Variants in IL17RD observed in about 807,000 individuals in gnomAD.
IL17RD encodes interleukin 17 receptor D.
In IL17RD, 52 loss-of-function variants were observed where a neutral mutation model predicts 80.5. The ratio of observed to expected loss-of-function variants is 0.65; its 90% CI spans 0.52 to 0.81. The LOEUF (loss-of-function observed/expected upper bound fraction) is 0.81. Ranked by LOEUF, IL17RD falls within the 40% of genes least tolerant of loss-of-function variation. The pLI is 0.00. For missense variants in IL17RD, 1,024 were observed against 955.1 expected (o/e 1.07, Z -0.95); for synonymous variants, 416 against 391.8 (o/e 1.06, Z -0.73).
At position 57,090,774 on chromosome 3, in the gene IL17RD, T is replaced by C. The variant is rs997291637; in HGVS notation, c.*5619A>G. The C allele has an allele frequency of 2.6e-5, 4 of 152,222 alleles. No individual in the cohort carries two copies. Among genetic ancestry groups the C allele is most frequent in the African/African-American group, 9.6e-5 (4 of 41,462 alleles). The allele number at this position is 152,222 out of a possible 1,614,324, so 9.4% of individuals were successfully genotyped here. A position where few individuals can be genotyped will look rare whatever the true frequency, so the allele number is the denominator to read the frequency against. The stretch of plus-strand genomic sequence containing the variant: ...CCAATGGCAATTTTTTGTCTAACAA[T>C]TGGAGCAGCTAATTTTGTCTACATC... On this transcript the variant is annotated 3_prime_UTR_variant, in exon 13 of 13. Coordinates refer to ENST00000296318, the MANE Select transcript of IL17RD (RefSeq NM_017563.5).
At chr3:57,142,555 G>A in intron 1 of IL17RD, 1 of 1,265,434 alleles carries the variant, frequency 7.9e-7, no homozygotes. Context: ...CCGGCCTCCT[G>A]GCAGGGAGAT....
chr3:57,104,072 T>A (rs1327652767), intron 8 of IL17RD, among the ~76,000 whole-genome samples: 3 of 152,154 alleles, frequency 2.0e-5, no homozygotes, highest in Admixed American at 2.0e-4. Context: ...TAAAAATATA[T>A]CTTTGTAGTA....
chr3:57,127,026 T>C (rs1707473583), intron 1 of IL17RD, among the ~76,000 whole-genome samples: 1 of 150,612 alleles, frequency 6.6e-6, no homozygotes, highest in Non-Finnish European at 1.5e-5. Flanking sequence ...GGTTTTGCCA[T>C]GTTGGCCAGG....
intron 1 of IL17RD, among the ~76,000 whole-genome samples, chr3:57,164,622 G>C (rs559668240): frequency 6.6e-6 from 1 of 152,310 alleles, no homozygotes; most frequent in East Asian, 1.9e-4. Context: ...TAGGAGTGGG[G>C]TGACGGCCCC....
chr3:57,108,071 T>A (rs929412628), intron 5 of IL17RD, among the ~76,000 whole-genome samples: 1 of 151,910 alleles, frequency 6.6e-6, no homozygotes, highest in Non-Finnish European at 1.5e-5. Flanking sequence ...TTTTTTTTTT[T>A]CTTTTTGAGA....
Position 57,110,328 on chromosome 3 carries a change from GCT to G in IL17RD, c.311-19_311-18del. 6.4e-7 allele frequency: 1 copy of G among 1,571,088 alleles called. No homozygotes were observed. Among genetic ancestry groups the G allele is most frequent in the Non-Finnish European group, 8.6e-7 (1 of 1,156,852 alleles). On this transcript the variant is annotated intron_variant, in intron 3 of 12. Transcript: ENST00000296318. ...ATTCGATGCCTAAGCAAAGCAGAAT[GCT>G]TTTATTAATAGTGAACCTAATTACT...
In IL17RD at chr3:57,094,911, T is replaced by C. The variant is rs1237225722; in HGVS notation, c.*1482A>G. ...TTTCCCAAAAAGCTGCCAGCTGCCT[T>C]TACAGAGCAGTGAGTATGACATTTG... On this transcript the variant is annotated 3_prime_UTR_variant, in exon 13 of 13. Coordinates refer to ENST00000296318, the MANE Select transcript of IL17RD (RefSeq NM_017563.5). The C allele has an allele frequency of 2.6e-5, 4 of 152,646 alleles. No homozygotes were observed. Among genetic ancestry groups the C allele is most frequent in the Admixed American group, 6.5e-5 (1 of 15,280 alleles). The allele number at this position is 152,646 out of a possible 1,614,324, so 9.5% of individuals were successfully genotyped here.
chr3:57,132,983 T>G (rs923220825), intron 1 of IL17RD, among the ~76,000 whole-genome samples: 1 of 152,194 alleles, frequency 6.6e-6, no homozygotes, highest in Non-Finnish European at 1.5e-5. Context: ...TATCTGTGCA[T>G]GAGCCACTAT....
chr3:57,164,269 G>A (rs1023867425), intron 1 of IL17RD, among the ~76,000 whole-genome samples: 22 of 152,164 alleles, frequency 1.4e-4, no homozygotes, highest in Admixed American at 1.3e-3. Context: ...ACTCGGGGCA[G>A]ACGGACATCA....
At position 57,105,967 on chromosome 3, in the gene IL17RD, C is replaced by T. The variant is rs781201294; in HGVS notation, c.637G>A (p.Asp213Asn). 3 of 1,613,908 alleles carry T rather than the reference C, an allele frequency of 1.9e-6. No homozygotes were observed. In the South Asian group the frequency reaches 3.3e-5, roughly 18 times the overall value. Residue 213 changes from aspartate to asparagine, a missense_variant, in exon 7 of 13, where the codon GAC (aspartate) becomes AAC (asparagine). Coordinates refer to ENST00000296318, the MANE Select transcript of IL17RD (RefSeq NM_017563.5). ...GCATGGTCGAAGGACACCTGCATGT[C>T]CGAGCCATGCTGGCTGATGTTCAGG... ...RNLNISQHGSDMQVSFDHAPH... is the reference protein window; with the variant it reads ...RNLNISQHGSNMQVSFDHAPH...
chr3:57,117,243 A>C (rs1707237492), intron 2 of IL17RD, among the ~76,000 whole-genome samples: 2 of 151,610 alleles, frequency 1.3e-5, no homozygotes, highest in Non-Finnish European at 2.9e-5. Flanking sequence ...CCTCCTGAGT[A>C]GCTGGGACTA....
At chr3:57,139,858 T>C (rs954879919) in intron 1 of IL17RD, among the ~76,000 whole-genome samples, 1 of 152,340 alleles carries the variant, frequency 6.6e-6, no homozygotes, top group Admixed American at 6.5e-5. Flanking sequence ...CAAATAATTA[T>C]ACTGCTAGAT....
chr3:57,129,737 C>T (rs6772089), intron 1 of IL17RD, among the ~76,000 whole-genome samples: 23,135 of 152,160 alleles, frequency 0.15, 2,270 homozygotes, highest in East Asian at 0.38. Flanking sequence ...ACAGGACATG[C>T]TAGAAAGCAA....
chr3:57,132,673 C>G (rs1184527623), intron 1 of IL17RD, among the ~76,000 whole-genome samples: 1 of 152,212 alleles, frequency 6.6e-6, no homozygotes, highest in East Asian at 1.9e-4. Context: ...AAGGCAACAA[C>G]TTACACTGTT....
Position 57,110,178 on chromosome 3 carries a change from C to T in IL17RD, c.429+15G>A, listed in dbSNP as rs774588563. 8 of 1,575,788 alleles carry T rather than the reference C, an allele frequency of 5.1e-6. No homozygotes were observed. Among genetic ancestry groups the T allele is most frequent in the Non-Finnish European group, 6.0e-6 (7 of 1,159,228 alleles). ...ATGGCATGTCTTCAGGAGCACGTTCCCCAGTGTGACTTACAGTTCTTTTGA... is the reference window on the plus strand; with the variant it reads ...ATGGCATGTCTTCAGGAGCACGTTCTCCAGTGTGACTTACAGTTCTTTTGA... On this transcript the variant is annotated intron_variant, in intron 4 of 12. Coordinates refer to ENST00000296318, the MANE Select transcript of IL17RD (RefSeq NM_017563.5).
At chr3:57,161,247 A>T (rs1300233096) in intron 1 of IL17RD, among the ~76,000 whole-genome samples, 2 of 152,260 alleles carry the variant, frequency 1.3e-5, no homozygotes, top group Non-Finnish European at 2.9e-5. Context: ...ACATGGCCAT[A>T]CGATAGGCAG....
chr3:57,110,105 CCTT>C, intron 4 of IL17RD, 85 bp downstream of exon 4: 4 of 1,476,550 alleles, frequency 2.7e-6, no homozygotes, highest in East Asian at 2.5e-5. Context: ...CATAGCCCCT[CCTT>C]CTCCAATTTC....
At position 57,110,193 on chromosome 3, in the gene IL17RD, A is replaced by G; in HGVS notation, c.429T>C (p.Thr143=). ...PKQLNSSFKR[T]GMESQPFLNM... The stretch of plus-strand genomic sequence containing the variant: ...GAGCACGTTCCCCAGTGTGACTTAC[A>G]GTTCTTTTGAAGCTACTGTTGAGCT... Residue 143 remains threonine, a splice_region_variant and synonymous_variant, in exon 4 of 13, where the codon ACT becomes ACC. Transcript: ENST00000296318. 1.3e-6 allele frequency: 2 copies of G among 1,589,826 alleles called. No homozygotes were observed. The highest frequency in any genetic ancestry group is 1.7e-6 in the Non-Finnish European group (2 of 1,166,974).
At chr3:57,151,945 A>G (rs2060227910) in intron 1 of IL17RD, among the ~76,000 whole-genome samples, 1 of 152,198 alleles carries the variant, frequency 6.6e-6, no homozygotes, top group South Asian at 2.1e-4. Context: ...AGGCTTGTTT[A>G]GCAAATGCTG....
Sources: allele counts gnomAD v4.1 joint callset (sites outside exome capture counted in the v4.1 genomes callset), GRCh38; gene constraint gnomAD v4.1.1; transcripts MANE v1.5; gene names NCBI Gene and HGNC (gene_info 2026-07-23, HGNC 2026-07-21).